Variants in PRIM2 observed in about 807,000 individuals in gnomAD.
The protein encoded by PRIM2 is DNA primase large subunit.
Under a neutral mutation model 67.3 loss-of-function variants are expected in PRIM2, and 39 were observed. The observed-to-expected ratio is 0.58, with a 90% CI of 0.45 to 0.76. The LOEUF (loss-of-function observed/expected upper bound fraction) is 0.76. Ranked by LOEUF, PRIM2 falls within the 30% of genes least tolerant of loss-of-function variation. The probability of loss-of-function intolerance (pLI) is 0.00; values close to 1 mark genes in which losing one functional copy is unlikely to be tolerated. For missense variants in PRIM2, 398 were observed against 598.7 expected, an observed-to-expected ratio of 0.66 and a Z score of 3.50; for synonymous variants, 143 against 198.7, an observed-to-expected ratio of 0.72 and a Z score of 2.36.
At chr6:57,473,905 T>TC (rs1298303397) in intron 7 of PRIM2, among the ~76,000 whole-genome samples, 22 of 152,068 alleles carry the variant, frequency 1.4e-4, no homozygotes, top group African/African-American at 4.8e-4. Context: ...TGTTTTTTTT[T>TC]CTCTGTGAAT....
intron 10 of PRIM2, among the ~76,000 whole-genome samples, chr6:57,573,135 T>C (rs1232700786): frequency 3.3e-5 from 5 of 152,228 alleles, no homozygotes; most frequent in African/African-American, 1.2e-4. Context: ...ATACTTTCAT[T>C]TATTTAGAAG....
intron 5 of PRIM2, among the ~76,000 whole-genome samples, chr6:57,327,582 A>G (rs1036085670): frequency 6.6e-6 from 1 of 152,222 alleles, no homozygotes; most frequent in African/African-American, 2.4e-5. Context: ...CTTTGCATAG[A>G]CAGATGTCAT....
At chr6:57,399,490 G>T (rs1406583037) in intron 7 of PRIM2, among the ~76,000 whole-genome samples, 1 of 152,096 alleles carries the variant, frequency 6.6e-6, no homozygotes, top group Non-Finnish European at 1.5e-5. Flanking sequence ...GAATAGTGCC[G>T]CAGTAAACAC....
Position 57,507,465 on chromosome 6 carries a change from G to C in PRIM2, c.761+11G>C, listed in dbSNP as rs1554347321. The C allele has an allele frequency of 1.4e-5, 20 of 1,465,878 alleles. No homozygotes were observed. The African/African-American group carries it at 2.8e-4, about 21-fold the overall frequency. The allele number at this position is 1,465,878 out of a possible 1,614,324, so 90.8% of individuals were successfully genotyped here. On this transcript the variant is annotated intron_variant, in intron 8 of 13. Transcript: ENST00000615550. Reference sequence around the variant, plus strand: ...GCTCAATCACCTCAGGTAATATAAGGGCACAGCCTTGTTATGCTTATAAAT... The same window carrying C: ...GCTCAATCACCTCAGGTAATATAAGCGCACAGCCTTGTTATGCTTATAAAT...
At chr6:57,410,778 A>C (rs1487586587) in intron 7 of PRIM2, among the ~76,000 whole-genome samples, 1 of 152,110 alleles carries the variant, frequency 6.6e-6, no homozygotes, top group African/African-American at 2.4e-5. Context: ...GTTTAATAGA[A>C]GTGATGAGAG....
the PRIM2 span, among the ~76,000 whole-genome samples, chr6:57,277,969 G>A: frequency 1.1e-4 from 17 of 151,794 alleles, no homozygotes; most frequent in East Asian, 3.3e-3. Context: ...GGGTGACAGA[G>A]CGAGATTCTA....
chr6:57,237,167 G>A, the PRIM2 span, among the ~76,000 whole-genome samples: 3 of 151,956 alleles, frequency 2.0e-5, no homozygotes, highest in East Asian at 5.8e-4. Flanking sequence ...GATGGCCAGT[G>A]ATGATGAGCA....
chr6:57,450,474 A>G (rs1211323699), intron 7 of PRIM2, among the ~76,000 whole-genome samples: 2 of 152,172 alleles, frequency 1.3e-5, no homozygotes, highest in African/African-American at 4.8e-5. Context: ...GCCAACCATA[A>G]TAGTTTTCCA....
At chr6:57,440,252 C>T (rs979725831) in intron 7 of PRIM2, among the ~76,000 whole-genome samples, 1 of 151,152 alleles carries the variant, frequency 6.6e-6, no homozygotes, top group Non-Finnish European at 1.5e-5. Context: ...AACAGGAAGA[C>T]ATTTTAAATC....
the PRIM2 span, among the ~76,000 whole-genome samples, chr6:57,239,060 A>G: frequency 1.3e-5 from 2 of 151,852 alleles, no homozygotes; most frequent in African/African-American, 4.8e-5. Context: ...GCATGATCTC[A>G]GCCCACTGCA....
the PRIM2 span, among the ~76,000 whole-genome samples, chr6:57,241,221 C>CT: frequency 1.7e-5 from 2 of 115,272 alleles, no homozygotes; most frequent in Non-Finnish European, 3.5e-5. Flanking sequence ...GAGACTCTGT[C>CT]TCAAAAAAAA....
At chr6:57,620,873 A>C (rs1326457494) in intron 12 of PRIM2, among the ~76,000 whole-genome samples, 15 of 152,286 alleles carry the variant, frequency 9.8e-5, no homozygotes, top group African/African-American at 3.1e-4. Context: ...ACTTAAAGTA[A>C]AGATGTGGAA....
the PRIM2 span, among the ~76,000 whole-genome samples, chr6:57,307,463 G>A: frequency 6.6e-6 from 1 of 151,738 alleles, no homozygotes; most frequent in East Asian, 2.0e-4. Flanking sequence ...CCGTGGTCTC[G>A]ATCTGACCTC....
intron 10 of PRIM2, among the ~76,000 whole-genome samples, chr6:57,538,011 C>CT (rs1349296116): frequency 4.5e-5 from 6 of 133,808 alleles, no homozygotes; most frequent in African/African-American, 1.6e-4. Flanking sequence ...CTTTTATAAA[C>CT]TTTTGTTTTT....
At chr6:57,612,270 TA>T (rs1776681073) in intron 12 of PRIM2, among the ~76,000 whole-genome samples, 1 of 152,200 alleles carries the variant, frequency 6.6e-6, no homozygotes, top group Non-Finnish European at 1.5e-5. Context: ...TAAGTCCACA[TA>T]AAAATCTGTT....
At chr6:57,550,175 C>T (rs1775372200) in intron 10 of PRIM2, among the ~76,000 whole-genome samples, 1 of 152,060 alleles carries the variant, frequency 6.6e-6, no homozygotes, top group Non-Finnish European at 1.5e-5. Context: ...TAAAGGTACT[C>T]TTAACAGCTA....
At chr6:57,597,989 G>A (rs1191786763) in intron 10 of PRIM2, among the ~76,000 whole-genome samples, 3 of 152,030 alleles carry the variant, frequency 2.0e-5, no homozygotes, top group Non-Finnish European at 4.4e-5. Flanking sequence ...GCTTTCTACA[G>A]TATCCATTTT....
At chr6:57,523,840 C>T (rs1774682117) in intron 8 of PRIM2, among the ~76,000 whole-genome samples, 1 of 152,168 alleles carries the variant, frequency 6.6e-6, no homozygotes, top group African/African-American at 2.4e-5. Flanking sequence ...TGTTGAGTAC[C>T]TAAGTGCTCA....
At chr6:57,622,710 G>T (rs1468987818) in intron 12 of PRIM2, among the ~76,000 whole-genome samples, 1 of 152,042 alleles carries the variant, frequency 6.6e-6, no homozygotes, top group Non-Finnish European at 1.5e-5. Context: ...ACTTAAGAGT[G>T]AATTAAAACC....
Sources: allele counts gnomAD v4.1 joint callset (sites outside exome capture counted in the v4.1 genomes callset), GRCh38; gene constraint gnomAD v4.1.1; transcripts MANE v1.5; gene names NCBI Gene and HGNC (gene_info 2026-07-23, HGNC 2026-07-21).